Variants in DYNC2H1 observed in about 807,000 individuals in gnomAD.
DYNC2H1 encodes the protein dynein cytoplasmic 2 heavy chain 1, also known as cytoplasmic dynein 2 heavy chain 1.
Under a neutral mutation model 570.0 loss-of-function variants are expected in DYNC2H1, and 410 were observed. The observed-to-expected ratio is 0.72, with a 90% CI of 0.66 to 0.78. DYNC2H1 has a LOEUF of 0.78. Ranked by LOEUF, DYNC2H1 falls within the 30% of genes least tolerant of loss-of-function variation. DYNC2H1 has a pLI of 0.00. For missense variants in DYNC2H1, 4,865 were observed against 5,046.4 expected (o/e 0.96, Z 1.09); for synonymous variants, 1,688 against 1,677.6 (o/e 1.01, Z -0.15).
chr11:103,177,785 C>G lies in DYNC2H1; in HGVS notation c.6104C>G (p.Thr2035Arg). ...AGAGAATGGTCTGATGGTGTTTTGA[C>G]AAATAGTGCTCGTCAAGTGGTTCGG... ...DTREWSDGVL[T>R]NSARQVVREP... Residue 2035 changes from threonine to arginine, a missense_variant, in exon 38 of 89, where the codon ACA becomes AGA. This residue lies in a region of DYNC2H1 where 231 missense variants were observed against 310.3 expected (regional missense o/e 0.74). Transcript: ENST00000375735. The surrounding 1 kb of genome is among the most constrained non-coding windows in gnomAD (Gnocchi z 4.4). The G allele has an allele frequency of 6.2e-7, 1 of 1,612,592 alleles. No individual in the cohort carries two copies. Among genetic ancestry groups the G allele is most frequent in the Non-Finnish European group, 8.5e-7 (1 of 1,179,370 alleles).
intron 82 of DYNC2H1, among the ~76,000 whole-genome samples, chr11:103,356,138 C>A (rs1940324334): frequency 6.6e-6 from 1 of 151,872 alleles, no homozygotes; most frequent in African/African-American, 2.4e-5. Context: ...CTTTTGATAC[C>A]ATTTTAAAGT....
intron 82 of DYNC2H1, among the ~76,000 whole-genome samples, chr11:103,350,624 T>G (rs1045173764): frequency 1.3e-5 from 2 of 152,154 alleles, no homozygotes; most frequent in South Asian, 2.1e-4. Context: ...ACAACAGAAA[T>G]TTATTTTCTC....
rs116478219 is a variant in DYNC2H1, at chr11:103,268,716, A to T, written c.10695+8739A>T. ...TCTTTTTTGAAAGTGGATATGTTATAAATAAATATTATTATTAAAAATTGT... is the reference window on the plus strand; with the variant it reads ...TCTTTTTTGAAAGTGGATATGTTATTAATAAATATTATTATTAAAAATTGT... On this transcript the variant is annotated intron_variant, in intron 70 of 88. Coordinates refer to ENST00000375735, the MANE Select transcript of DYNC2H1 (RefSeq NM_001377.3). This position sits in a 1 kb window ranked among gnomAD's most constrained non-coding sequence, Gnocchi z 4.6. 0.039 allele frequency among the ~76,000 whole-genome samples: 5,857 copies of T among 152,080 alleles called. 374 individuals are homozygous for T. Among genetic ancestry groups the T allele is most frequent in the African/African-American group, 0.13 (5,437 of 41,516 alleles).
chr11:103,287,733 T>C, intron 75 of DYNC2H1, 128 bp downstream of exon 75: 2 of 772,026 alleles, frequency 2.6e-6, no homozygotes, highest in Non-Finnish European at 4.0e-6. Flanking sequence ...TGTTTATTTA[T>C]CTTCCAATCT....
intron 88 of DYNC2H1, among the ~76,000 whole-genome samples, chr11:103,476,296 A>C (rs553482802): frequency 2.0e-4 from 30 of 152,174 alleles, no homozygotes; most frequent in Non-Finnish European, 3.5e-4. Context: ...TCCATGAATC[A>C]CTGTTAGGTT....
chr11:103,201,314 A>G lies in DYNC2H1; in HGVS notation c.8197+1160A>G, dbSNP rs1862710915. 6.6e-6 allele frequency among the ~76,000 whole-genome samples: 1 copy of G among 152,126 alleles called. No homozygotes were observed. The highest frequency in any genetic ancestry group is 6.6e-5 in the Admixed American group (1 of 15,258). ...ATCTGGAATTCTATGGATTGTAGAG[A>G]TATTTATTGTTTTATGTTTTCAAGA... is the stretch of plus-strand genomic sequence containing the variant. On this transcript the variant is annotated intron_variant, in intron 50 of 88. Transcript: ENST00000375735. This position sits in a 1 kb window ranked among gnomAD's most constrained non-coding sequence, Gnocchi z 4.8.
Position 103,158,823 on chromosome 11 carries a change from G to GA in DYNC2H1, c.4260+21dup, listed in dbSNP as rs948166356. The GA allele has an allele frequency of 3.4e-6, 5 of 1,454,378 alleles. No individual in the cohort carries two copies. The highest frequency in any genetic ancestry group is 2.5e-5 in the East Asian group (1 of 39,920). The allele number at this position is 1,454,378 out of a possible 1,614,324, so 90.1% of individuals were successfully genotyped here. On this transcript the variant is annotated intron_variant, in intron 27 of 88. Transcript: ENST00000375735. The stretch of plus-strand genomic sequence containing the variant: ...GAATTTTTGGAGGCATGTTTTTTAA[G>GA]AAAAAAATATATAATAAATTGTAAA...
intron 1 of DYNC2H1, among the ~76,000 whole-genome samples, chr11:103,113,159 A>G (rs757990745): frequency 2.0e-5 from 3 of 152,156 alleles, no homozygotes; most frequent in Non-Finnish European, 4.4e-5. Flanking sequence ...AGAGAAGCAC[A>G]CTACTCATTG....
At chr11:103,335,055 A>T (rs1416882951) in intron 82 of DYNC2H1, among the ~76,000 whole-genome samples, 1 of 152,144 alleles carries the variant, frequency 6.6e-6, no homozygotes, top group Non-Finnish European at 1.5e-5. Flanking sequence ...GCTTTCATGG[A>T]TTAAAATACC....
chr11:103,200,094 G>A lies in DYNC2H1; in HGVS notation c.8137G>A (p.Glu2713Lys). ...AGCACAACAGGTAGTTTTACTTCTT[G>A]AGGATTACCAGTTTGTACATCCTAC... Reference protein sequence around the residue: ...IEAQQVVLLLEDYQFVHPTFL... With the variant: ...IEAQQVVLLLKDYQFVHPTFL... Residue 2713 changes from glutamate to lysine, a missense_variant, in exon 50 of 89, where the codon GAG (glutamate) becomes AAG (lysine). By Grantham distance (56) the Glu-to-Lys change is moderately conservative (BLOSUM62 1). This residue lies in a region of DYNC2H1 where 2,401 missense variants were observed against 2,454.6 expected (regional missense o/e 0.98). Coordinates refer to ENST00000375735, the MANE Select transcript of DYNC2H1 (RefSeq NM_001377.3). 1 of 1,591,800 alleles carries A rather than the reference G, an allele frequency of 6.3e-7. No homozygotes were observed. The highest frequency in any genetic ancestry group is 8.6e-7 in the Non-Finnish European group (1 of 1,167,862).
chr11:103,349,373 A>G (rs1361673612), intron 82 of DYNC2H1, among the ~76,000 whole-genome samples: 2 of 152,136 alleles, frequency 1.3e-5, no homozygotes, highest in Non-Finnish European at 2.9e-5. Context: ...TAGTGCATTT[A>G]TATGTTCCGT....
intron 83 of DYNC2H1, 86 bp from the exon 84 acceptor site, chr11:103,399,577 C>A: frequency 1.1e-6 from 1 of 927,542 alleles, no homozygotes; most frequent in Non-Finnish European, 1.6e-6. Context: ...CAGAATAGAA[C>A]AAAAGGTTTA....
At chr11:103,379,152 A>G (rs1232916362) in intron 83 of DYNC2H1, among the ~76,000 whole-genome samples, 4 of 152,174 alleles carry the variant, frequency 2.6e-5, no homozygotes, top group Admixed American at 2.6e-4. Flanking sequence ...ATGTGAAAAG[A>G]AAAGTTTGCA....
intron 76 of DYNC2H1, 117 bp downstream of exon 76, chr11:103,303,370 C>A: frequency 8.9e-7 from 1 of 1,121,578 alleles, no homozygotes; most frequent in Non-Finnish European, 1.2e-6. Context: ...CCAAAAATGT[C>A]TATGTCCTAA....
intron 82 of DYNC2H1, among the ~76,000 whole-genome samples, chr11:103,340,675 T>C (rs111839693): frequency 0.015 from 2,309 of 152,284 alleles, 23 homozygotes; most frequent in Non-Finnish European, 0.024. Context: ...AATACCTTGG[T>C]ACCTGGATAT....
chr11:103,363,382 TGAGA>T lies in DYNC2H1; in HGVS notation c.12156+5028_12156+5031del, dbSNP rs976439777. 2.0e-4 allele frequency among the ~76,000 whole-genome samples: 30 copies of T among 152,298 alleles called. No individual in the cohort carries two copies. The highest frequency in any genetic ancestry group is 7.2e-4 in the African/African-American group (30 of 41,566). On this transcript the variant is annotated intron_variant, in intron 83 of 88. Coordinates refer to ENST00000375735, the MANE Select transcript of DYNC2H1 (RefSeq NM_001377.3). The surrounding 1 kb of genome is among the most constrained non-coding windows in gnomAD (Gnocchi z 5.6). ...AGATCTACTAGTGTGTTATTTCAAC[TGAGA>T]GAGAATGTTTATCCAGCCACTCTAA...
intron 82 of DYNC2H1, among the ~76,000 whole-genome samples, chr11:103,343,507 GGGA>G (rs1464031734): frequency 6.6e-6 from 1 of 152,102 alleles, no homozygotes; most frequent in Non-Finnish European, 1.5e-5. Context: ...ATCGGGGGTG[GGGA>G]GACTATCTGG....
In DYNC2H1 at chr11:103,189,440, G is replaced by A. The variant is rs1862206768; in HGVS notation, c.7293-232G>A. Among the ~76,000 whole-genome samples, 1 of 151,978 alleles carries A rather than the reference G, an allele frequency of 6.6e-6. No homozygotes were observed. The highest frequency in any genetic ancestry group is 1.5e-5 in the Non-Finnish European group (1 of 67,978). On this transcript the variant is annotated intron_variant, in intron 44 of 88. Coordinates refer to ENST00000375735, the MANE Select transcript of DYNC2H1 (RefSeq NM_001377.3). This position sits in a 1 kb window ranked among gnomAD's most constrained non-coding sequence, Gnocchi z 4.3. ...GTGATATGTTTTAACATAATTTCTT[G>A]GGGTTCTCTAACACCTTCTGGTATT...
intron 63 of DYNC2H1, among the ~76,000 whole-genome samples, chr11:103,240,565 T>C (rs1343579668): frequency 6.6e-6 from 1 of 152,154 alleles, no homozygotes; most frequent in Non-Finnish European, 1.5e-5. Context: ...TATGTCTCTT[T>C]ACTTTTTTAT....
Sources: gnomAD v4.1 joint callset for allele counts (sites outside exome capture counted in the v4.1 genomes callset) on GRCh38, gnomAD v4.1.1 for gene constraint, gnomAD v4.1.1 regional missense constraint, Gnocchi (gnomAD v3.1) non-coding constraint, MANE v1.5 for transcripts, NCBI Gene and HGNC (gene_info 2026-07-23, HGNC 2026-07-21) for gene names.